COL22A1: variants seen among roughly 807,000 people sequenced by gnomAD.
COL22A1 encodes collagen alpha-1(XXII) chain.
A neutral mutation model predicts 248.9 loss-of-function variants in COL22A1; 221 were observed. The ratio of observed to expected loss-of-function variants is 0.89; its 90% CI spans 0.80 to 0.99. The LOEUF (loss-of-function observed/expected upper bound fraction) is 0.99. Among genes scored for constraint, COL22A1 ranks in the 50% least tolerant of loss-of-function variants. The pLI, the probability that COL22A1 is intolerant of heterozygous loss-of-function variation, is 0.00. For synonymous variants in COL22A1, 891 were observed against 793.4 expected (o/e 1.12, Z -2.07); for missense variants, 2,240 against 2,179.0 (o/e 1.03, Z -0.56).
At chr8:138,790,952 G>A (rs2131581873) in intron 12 of COL22A1, among the ~76,000 whole-genome samples, 1 of 152,222 alleles carries the variant, frequency 6.6e-6, no homozygotes, top group African/African-American at 2.4e-5. Context: ...ACCATGCTGG[G>A]TCCTCAGCTA....
intron 22 of COL22A1, among the ~76,000 whole-genome samples, chr8:138,743,794 G>A (rs896447088): frequency 6.6e-6 from 1 of 152,152 alleles, no homozygotes; most frequent in Non-Finnish European, 1.5e-5. Flanking sequence ...CATTCTGAAT[G>A]CCAAGATGCT....
intron 9 of COL22A1, among the ~76,000 whole-genome samples, chr8:138,810,041 T>C (rs767111306): frequency 2.6e-5 from 4 of 151,930 alleles, no homozygotes; most frequent in African/African-American, 4.8e-5. Flanking sequence ...CAAATAGAAG[T>C]ACAGGGAGAA....
At position 138,646,791 on chromosome 8, in the gene COL22A1, CT is replaced by C. The variant is rs369153455; in HGVS notation, c.3448-110del. On this transcript the variant is annotated intron_variant, in intron 46 of 64. Transcript: ENST00000303045. Reference sequence around the variant, plus strand: ...CGTACCTCCCTTCACTGATTTTCCACTGGGACTTCCGTCAGCTACCCCTGCC... The same window carrying C: ...CGTACCTCCCTTCACTGATTTTCCACGGGACTTCCGTCAGCTACCCCTGCC... The C allele has an allele frequency of 4.5e-4, 349 of 770,344 alleles. 2 individuals carry two copies. The African/African-American group carries it at 5.3e-3, about 12-fold the overall frequency. 47.7% of individuals were successfully genotyped at this position (770,344 alleles called of 1,614,324 possible). A position where few individuals can be genotyped will look rare whatever the true frequency, so the allele number is the denominator to read the frequency against.
rs540866777 is a variant in COL22A1, at chr8:138,714,325, C to T, written c.2517+1357G>A. On this transcript the variant is annotated intron_variant, in intron 30 of 64. Coordinates refer to ENST00000303045, the MANE Select transcript of COL22A1 (RefSeq NM_152888.3). ...TTTTCTGTTTGTCCCTTTATATCCACTCCTGTTCCTTTCTCCATCCCAGGA... is the reference window on the plus strand; with the variant it reads ...TTTTCTGTTTGTCCCTTTATATCCATTCCTGTTCCTTTCTCCATCCCAGGA... Among the ~76,000 whole-genome samples, 7 of 152,332 alleles carry T rather than the reference C, an allele frequency of 4.6e-5. No homozygotes were observed. The South Asian group carries it at 8.3e-4, about 18-fold the overall frequency.
intron 23 of COL22A1, among the ~76,000 whole-genome samples, chr8:138,731,191 C>T (rs1457327237): frequency 2.6e-5 from 4 of 151,996 alleles, no homozygotes; most frequent in African/African-American, 9.7e-5. Flanking sequence ...ATCACAGCTA[C>T]TAGGGAGGCT....
intron 22 of COL22A1, among the ~76,000 whole-genome samples, chr8:138,737,783 G>A (rs1015988573): frequency 4.6e-5 from 7 of 152,050 alleles, no homozygotes; most frequent in African/African-American, 1.7e-4. Flanking sequence ...TAAGGCTTGG[G>A]ATCCCAGCTC....
intron 4 of COL22A1, among the ~76,000 whole-genome samples, chr8:138,836,038 A>C (rs957739666): frequency 6.6e-6 from 1 of 152,198 alleles, no homozygotes; most frequent in African/African-American, 2.4e-5. Flanking sequence ...TGGAAGGCCA[A>C]GGTAGGTGGA....
intron 37 of COL22A1, among the ~76,000 whole-genome samples, chr8:138,686,364 A>G (rs1240386947): frequency 6.6e-6 from 1 of 152,192 alleles, no homozygotes; most frequent in Non-Finnish European, 1.5e-5. Flanking sequence ...AGCCCCGCGA[A>G]CCAGACGGAC....
intron 2 of COL22A1, among the ~76,000 whole-genome samples, 157 bp from the exon 3 acceptor site, chr8:138,878,473 G>A (rs951661517): frequency 1.3e-5 from 2 of 152,146 alleles, no homozygotes; most frequent in Non-Finnish European, 2.9e-5. Flanking sequence ...AAAGGCCTGA[G>A]CCTCAGTTTC....
chr8:138,651,893 T>C (rs186146007), intron 45 of COL22A1, among the ~76,000 whole-genome samples: 1 of 152,328 alleles, frequency 6.6e-6, no homozygotes, highest in East Asian at 1.9e-4. Flanking sequence ...TACAAAAATC[T>C]TATGACTTTC....
chr8:138,646,752 C>T, intron 46 of COL22A1, 70 bp from the exon 47 acceptor site: 2 of 1,151,782 alleles, frequency 1.7e-6, no homozygotes, highest in Non-Finnish European at 2.4e-6. Context: ...GGGTCATCAC[C>T]ATGCCATCAG....
Position 138,868,734 on chromosome 8 carries a change from C to CTT in COL22A1, c.658+9014_658+9015dup, listed in dbSNP as rs34915430. 1.7e-3 allele frequency among the ~76,000 whole-genome samples: 248 copies of CTT among 145,576 alleles called. 1 individual carries two copies. The highest frequency in any genetic ancestry group is 2.7e-3 in the Non-Finnish European group (181 of 66,276). On this transcript the variant is annotated intron_variant, in intron 3 of 64. Transcript: ENST00000303045. ...GGTAGAGAGTGTCATCATTGTCCTC[C>CTT]TTTTTTTTTTTTTGGAGACGAAGTC... is the stretch of plus-strand genomic sequence containing the variant.
chr8:138,788,788 G>A (rs543993614), intron 12 of COL22A1, among the ~76,000 whole-genome samples: 3 of 152,296 alleles, frequency 2.0e-5, no homozygotes, highest in African/African-American at 4.8e-5. Flanking sequence ...TATGTTTAAC[G>A]TTTATGAGCA....
intron 16 of COL22A1, among the ~76,000 whole-genome samples, chr8:138,764,863 G>A (rs1239160909): frequency 1.3e-5 from 2 of 152,194 alleles, no homozygotes; most frequent in African/African-American, 4.8e-5. Flanking sequence ...TCAGGAGGCA[G>A]GAGAATGGCA....
chr8:138,689,495 C>T (rs113294345), intron 36 of COL22A1, among the ~76,000 whole-genome samples: 1,557 of 152,254 alleles, frequency 0.01, 31 homozygotes, highest in African/African-American at 0.036. Context: ...GCAGACGGAT[C>T]ACTTGAGGTC....
At position 138,802,460 on chromosome 8, in the gene COL22A1, A is replaced by C. The variant is rs1319038; in HGVS notation, c.1557+412T>G. ...CTTGGAGAATTAGACACAGTTGAGT[A>C]GGAATGATGAGAACTCATGAGCCAA... On this transcript the variant is annotated intron_variant, in intron 11 of 64. Transcript: ENST00000303045. Among the ~76,000 whole-genome samples the C allele has an allele frequency of 4.7e-3, 719 of 152,002 alleles. 5 individuals carry two copies. The highest frequency in any genetic ancestry group is 0.04 in the South Asian group (190 of 4,778).
intron 35 of COL22A1, among the ~76,000 whole-genome samples, chr8:138,692,227 T>C: frequency 6.6e-6 from 1 of 151,274 alleles, no homozygotes; most frequent in Non-Finnish European, 1.5e-5. Context: ...TGTGTGCACG[T>C]GCATGTGCAT....
chr8:138,779,098 G>C (rs1814730872), intron 14 of COL22A1, among the ~76,000 whole-genome samples: 1 of 152,140 alleles, frequency 6.6e-6, no homozygotes, highest in Non-Finnish European at 1.5e-5. Context: ...AATTTTAGTG[G>C]AAAACAAATG....
chr8:138,753,804 A>C (rs1450214203), intron 21 of COL22A1, among the ~76,000 whole-genome samples: 1 of 152,154 alleles, frequency 6.6e-6, no homozygotes, highest in Non-Finnish European at 1.5e-5. Context: ...AAGGGTGAGG[A>C]CTACCCATAT....
Sources: allele counts gnomAD v4.1 joint callset (sites outside exome capture counted in the v4.1 genomes callset), GRCh38; gene constraint gnomAD v4.1.1; transcripts MANE v1.5; gene names NCBI Gene and HGNC (gene_info 2026-07-23, HGNC 2026-07-21).